LGR6: variants seen among roughly 807,000 people sequenced by gnomAD.
The protein encoded by LGR6 is leucine rich repeat containing G protein-coupled receptor 6.
A neutral mutation model predicts 69.4 loss-of-function variants in LGR6; 45 were observed. The ratio of observed to expected loss-of-function variants is 0.65; its 90% CI spans 0.51 to 0.83. The LOEUF is 0.83. LGR6 is among the 40% of genes least tolerant of loss of function. The pLI is 0.00. For synonymous variants in LGR6, 538 were observed against 555.0 expected, an observed-to-expected ratio of 0.97 and a Z score of 0.43; for missense variants, 1,108 against 1,246.7, an observed-to-expected ratio of 0.89 and a Z score of 1.68.
At chr1:202,269,929 T>C (rs1664955917) in intron 4 of LGR6, among the ~76,000 whole-genome samples, 1 of 152,200 alleles carries the variant, frequency 6.6e-6, no homozygotes, top group East Asian at 1.9e-4. Flanking sequence ...TTTAAATGAA[T>C]ATTTGATGAC....
chr1:202,229,139 G>A (rs1325653726), intron 3 of LGR6, among the ~76,000 whole-genome samples: 1 of 152,138 alleles, frequency 6.6e-6, no homozygotes, highest in Non-Finnish European at 1.5e-5. Context: ...AGCTGGTCAA[G>A]TTCAACACTC....
chr1:202,263,503 T>C (rs1664402215), intron 4 of LGR6, among the ~76,000 whole-genome samples: 1 of 152,188 alleles, frequency 6.6e-6, no homozygotes. Flanking sequence ...TAAGTTTTCC[T>C]CCATTTTAAC....
intron 3 of LGR6, among the ~76,000 whole-genome samples, chr1:202,232,750 C>T (rs1661194118): frequency 2.0e-5 from 3 of 152,150 alleles, no homozygotes; most frequent in African/African-American, 7.2e-5. Context: ...CCATATAGAA[C>T]CAGGGCTAGA....
At position 202,194,015 on chromosome 1, in the gene LGR6, C is replaced by G; in HGVS notation, c.26C>G (p.Ala9Gly). The part of the protein sequence containing the change: MPSPPGLR[A>G]LWLCAALCAS... ...ATGCCCAGCCCGCCGGGGCTCCGGGCGCTATGGCTTTGCGCCGCGCTGTGC... is the reference window on the plus strand; with the variant it reads ...ATGCCCAGCCCGCCGGGGCTCCGGGGGCTATGGCTTTGCGCCGCGCTGTGC... The change falls in exon 1 of 18, where the codon GCG becomes GGG. Residue 9 changes from alanine to glycine, a missense_variant. Coordinates refer to ENST00000367278, the MANE Select transcript of LGR6 (RefSeq NM_001017403.2). 2 of 1,386,942 alleles carry G rather than the reference C, an allele frequency of 1.4e-6. No homozygotes were observed. Among genetic ancestry groups the G allele is most frequent in the East Asian group, 3.1e-5 (1 of 31,926 alleles). 85.9% of individuals were successfully genotyped at this position (1,386,942 alleles called of 1,614,324 possible).
chr1:202,266,006 G>T (rs1664616231), intron 4 of LGR6, among the ~76,000 whole-genome samples: 1 of 151,680 alleles, frequency 6.6e-6, no homozygotes, highest in Non-Finnish European at 1.5e-5. Context: ...CATCTCTCTG[G>T]TCCAAAGCTC....
At chr1:202,204,535 C>A (rs1297180494) in intron 1 of LGR6, among the ~76,000 whole-genome samples, 1 of 77,154 alleles carries the variant, frequency 1.3e-5, no homozygotes, top group Non-Finnish European at 2.7e-5. Flanking sequence ...ACACACACAC[C>A]TCCTTCAAAC....
chr1:202,223,676 G>A (rs542445464), intron 1 of LGR6, among the ~76,000 whole-genome samples: 6 of 151,882 alleles, frequency 4.0e-5, no homozygotes, highest in African/African-American at 1.2e-4. Flanking sequence ...AAATGTGTCA[G>A]GCACACACAC....
intron 4 of LGR6, among the ~76,000 whole-genome samples, chr1:202,275,759 T>C (rs920208037): frequency 6.6e-6 from 1 of 152,128 alleles, no homozygotes; most frequent in African/African-American, 2.4e-5. Context: ...GGGAGGACAT[T>C]TCCCTCTGCC....
At chr1:202,314,376 G>A (rs1453689281) in intron 16 of LGR6, among the ~76,000 whole-genome samples, 1 of 152,132 alleles carries the variant, frequency 6.6e-6, no homozygotes, top group Non-Finnish European at 1.5e-5. Context: ...ACACACTGCA[G>A]CTCACTGATG....
intron 4 of LGR6, among the ~76,000 whole-genome samples, chr1:202,238,703 G>A (rs995397270): frequency 2.0e-5 from 3 of 151,394 alleles, no homozygotes; most frequent in Non-Finnish European, 4.4e-5. Context: ...GATTACAGGC[G>A]TGAGCCATGG....
At position 202,302,794 on chromosome 1, in the gene LGR6, G is replaced by A. The variant is rs756540886; in HGVS notation, c.930-485G>A. Among the ~76,000 whole-genome samples, 31 of 152,164 alleles carry A rather than the reference G, an allele frequency of 2.0e-4. No individual in the cohort carries two copies. The East Asian group carries it at 2.1e-3, about 10-fold the overall frequency. Reference sequence around the variant, plus strand: ...ACTCCTGACCTCAGGTGATCCGCCCGCCTCGGCCTCCCAAAGTGCTGGGAT... The same window carrying A: ...ACTCCTGACCTCAGGTGATCCGCCCACCTCGGCCTCCCAAAGTGCTGGGAT... On this transcript the variant is annotated intron_variant, in intron 9 of 17. Coordinates refer to ENST00000367278, the MANE Select transcript of LGR6 (RefSeq NM_001017403.2).
intron 1 of LGR6, among the ~76,000 whole-genome samples, chr1:202,195,424 T>G (rs1442006370): frequency 1.3e-5 from 2 of 152,106 alleles, no homozygotes. Context: ...TGTCCCCAGG[T>G]TGGGATGTCC....
rs1385313070 is a variant in LGR6, at chr1:202,318,442, C to T, written c.2139C>T (p.Ala713=). 1 of 1,612,378 alleles carries T rather than the reference C, an allele frequency of 6.2e-7. No individual in the cohort carries two copies. The highest frequency in any genetic ancestry group is 1.1e-5 in the South Asian group (1 of 90,962). ...TGGCCTCAGTGGGAGAATACGGGGC[C>T]TCCCCACTCTGCCTGCCCTACGCGC... ...LPLASVGEYG[A]SPLCLPYAPP... Residue 713 remains alanine, a synonymous_variant, in exon 18 of 18, where the codon GCC becomes GCT. Coordinates refer to ENST00000367278, the MANE Select transcript of LGR6 (RefSeq NM_001017403.2).
chr1:202,309,307 G>A, intron 15 of LGR6, 131 bp downstream of exon 15: 1 of 1,089,314 alleles, frequency 9.2e-7, no homozygotes, highest in Non-Finnish European at 1.3e-6. Flanking sequence ...TAGTGGAAGG[G>A]CTCACCTGAC....
chr1:202,278,665 G>T (rs1185386509), intron 5 of LGR6, among the ~76,000 whole-genome samples: 1 of 152,158 alleles, frequency 6.6e-6, no homozygotes, highest in African/African-American at 2.4e-5. Context: ...AGGATGAGCT[G>T]TAGGAAGGCC....
intron 1 of LGR6, among the ~76,000 whole-genome samples, chr1:202,211,549 T>A (rs548360533): frequency 6.6e-6 from 1 of 152,132 alleles, no homozygotes; most frequent in Non-Finnish European, 1.5e-5. Flanking sequence ...TTTGTAGAGA[T>A]GGGGTTTCAC....
At chr1:202,279,164 A>G (rs576011966) in intron 5 of LGR6, among the ~76,000 whole-genome samples, 1 of 152,110 alleles carries the variant, frequency 6.6e-6, no homozygotes, top group African/African-American at 2.4e-5. Flanking sequence ...GTTTGATGAC[A>G]ATTGGTTTAT....
At chr1:202,283,013 TC>T (rs1433476848) in intron 6 of LGR6, among the ~76,000 whole-genome samples, 1 of 152,214 alleles carries the variant, frequency 6.6e-6, no homozygotes, top group Non-Finnish European at 1.5e-5. Flanking sequence ...CTTGGTAAAA[TC>T]ATTTGCCTCT....
At position 202,311,282 on chromosome 1, in the gene LGR6, A is replaced by G. The variant is rs141113120; in HGVS notation, c.1567+925A>G. 1.0e-3 allele frequency among the ~76,000 whole-genome samples: 156 copies of G among 152,372 alleles called. 1 individual carries two copies. The highest frequency in any genetic ancestry group is 3.4e-3 in the African/African-American group (140 of 41,594). On this transcript the variant is annotated intron_variant, in intron 16 of 17. Transcript: ENST00000367278. Reference sequence around the variant, plus strand: ...ACAGCGTAGACAAAACTGAGGTCCAATCCCAACTACAACATTCACCAGTTG... The same window carrying G: ...ACAGCGTAGACAAAACTGAGGTCCAGTCCCAACTACAACATTCACCAGTTG...
Sources: allele counts gnomAD v4.1 joint callset (sites outside exome capture counted in the v4.1 genomes callset), GRCh38; gene constraint gnomAD v4.1.1; transcripts MANE v1.5; gene names NCBI Gene and HGNC (gene_info 2026-07-23, HGNC 2026-07-21).